Variants in THRB observed in about 807,000 individuals in gnomAD.
The protein encoded by THRB is thyroid hormone receptor beta.
THRB carries 12 observed loss-of-function variants against 47.8 expected under a neutral mutation model. The ratio of observed to expected loss-of-function variants is 0.25; its 90% CI spans 0.16 to 0.41. THRB has a LOEUF of 0.41. Ranked by LOEUF, THRB falls within the 10% of genes least tolerant of loss-of-function variation. THRB has a pLI of 1.00. For synonymous variants in THRB, 218 were observed against 212.2 expected (o/e 1.03, Z -0.24); for missense variants, 348 against 589.2 (o/e 0.59, Z 4.24).
chr3:24,239,283 G>A (rs1334900452), intron 3 of THRB, among the ~76,000 whole-genome samples: 3 of 151,994 alleles, frequency 2.0e-5, no homozygotes, highest in African/African-American at 7.2e-5. Context: ...TAAAGGTTCT[G>A]TTGGCTCTTT....
chr3:24,269,417 A>G (rs1013904303), intron 3 of THRB, among the ~76,000 whole-genome samples: 15 of 145,488 alleles, frequency 1.0e-4, no homozygotes, highest in African/African-American at 3.5e-4. Flanking sequence ...ACACACACAC[A>G]CACACACACA....
At chr3:24,136,114 G>A (rs73136694) in intron 8 of THRB, among the ~76,000 whole-genome samples, 2,578 of 151,614 alleles carry the variant, frequency 0.017, 74 homozygotes, top group African/African-American at 0.058. Context: ...TGTGACATGT[G>A]TAAAGATTTG....
rs1559706566 is a variant in THRB at position 24,240,845 on chromosome 3, G to GAA, written c.-42-11845_-42-11844insTT. Among the ~76,000 whole-genome samples the GAA allele has an allele frequency of 7.2e-3, 1,091 of 152,212 alleles. 17 individuals are homozygous for GAA. Among genetic ancestry groups the GAA allele is most frequent in the African/African-American group, 0.025 (1,018 of 41,530 alleles). ...AGGGCCCACATGTTGAGAACCACCA[G>GAA]CCTGATCCATTTAAGAACATGTTGG... On this transcript the variant is annotated intron_variant, in intron 3 of 10. Transcript: ENST00000646209.
At chr3:24,246,676 A>G (rs9822450) in intron 3 of THRB, among the ~76,000 whole-genome samples, 10,129 of 152,228 alleles carry the variant, frequency 0.067, 760 homozygotes, top group African/African-American at 0.18. Context: ...CCAGTGAGAG[A>G]ATATTTAGAA....
chr3:24,332,105 G>C (rs1295745139), intron 2 of THRB, among the ~76,000 whole-genome samples: 1 of 152,200 alleles, frequency 6.6e-6, no homozygotes, highest in Non-Finnish European at 1.5e-5. Context: ...CGGTAGATGA[G>C]ATTGTAGATA....
At chr3:24,311,996 G>A (rs952107933) in intron 2 of THRB, among the ~76,000 whole-genome samples, 4 of 152,198 alleles carry the variant, frequency 2.6e-5, no homozygotes, top group South Asian at 2.1e-4. Context: ...TTGCCACTGT[G>A]TTGCAACCAT....
chr3:24,322,858 A>G (rs1042966450), intron 2 of THRB, among the ~76,000 whole-genome samples: 3 of 152,190 alleles, frequency 2.0e-5, no homozygotes, highest in African/African-American at 7.2e-5. Context: ...CTTTCACAGA[A>G]AAGATTAGCT....
chr3:24,399,052 G>A (rs1460970962), intron 1 of THRB, among the ~76,000 whole-genome samples: 2 of 151,810 alleles, frequency 1.3e-5, no homozygotes, highest in African/African-American at 2.4e-5. Flanking sequence ...CACAGGAAGG[G>A]GAACATCACA....
At chr3:24,144,526 G>C (rs2035854519) in intron 7 of THRB, 1 of 152,216 alleles carries the variant, frequency 6.6e-6, no homozygotes, top group Non-Finnish European at 1.5e-5. Context: ...TAAGTGCTCA[G>C]TAAATGCAGT....
At chr3:24,353,770 A>G (rs1364152886) in intron 1 of THRB, among the ~76,000 whole-genome samples, 1 of 152,178 alleles carries the variant, frequency 6.6e-6, no homozygotes, top group African/African-American at 2.4e-5. Context: ...ATTTTAAAAA[A>G]TAGGTTTGTT....
At chr3:24,155,981 T>C (rs1232972615) in intron 5 of THRB, among the ~76,000 whole-genome samples, 2 of 152,254 alleles carry the variant, frequency 1.3e-5, no homozygotes, top group Non-Finnish European at 2.9e-5. Flanking sequence ...TCTGCTCAGA[T>C]GTATTATTTT....
chr3:24,395,969 T>C (rs2066929462), intron 1 of THRB, among the ~76,000 whole-genome samples: 1 of 152,084 alleles, frequency 6.6e-6, no homozygotes, highest in Admixed American at 6.6e-5. Flanking sequence ...AGTAGATAAG[T>C]AGTTGCCTAG....
At chr3:24,465,694 G>A (rs561981940) in intron 1 of THRB, among the ~76,000 whole-genome samples, 147 of 152,196 alleles carry the variant, frequency 9.7e-4, no homozygotes, top group African/African-American at 3.3e-3. Context: ...TTGAGTCAGC[G>A]CACCCGGCCT....
intron 4 of THRB, among the ~76,000 whole-genome samples, chr3:24,204,851 C>T (rs137891638): frequency 5.1e-4 from 78 of 152,196 alleles, no homozygotes; most frequent in African/African-American, 1.6e-3. Flanking sequence ...AACTACGTGA[C>T]GAATTCACAA....
chr3:24,371,194 ACTTAG>A (rs758921525), intron 1 of THRB, among the ~76,000 whole-genome samples: 110 of 152,212 alleles, frequency 7.2e-4, no homozygotes, highest in Non-Finnish European at 1.4e-3. Flanking sequence ...AAACTGACAA[ACTTAG>A]CTTAAGATTA....
intron 3 of THRB, among the ~76,000 whole-genome samples, chr3:24,259,204 C>T (rs1469696797): frequency 6.6e-6 from 1 of 152,060 alleles, no homozygotes; most frequent in Non-Finnish European, 1.5e-5. Context: ...TGGGATTGTT[C>T]CTACACAAAG....
chr3:24,337,135 T>C (rs543090501), intron 2 of THRB, among the ~76,000 whole-genome samples, 165 bp downstream of exon 2: 5 of 152,352 alleles, frequency 3.3e-5, no homozygotes, highest in South Asian at 2.1e-4. Context: ...ATGTTTTTAG[T>C]TCATTTAATG....
At chr3:24,291,037 TC>T (rs1317999817) in intron 3 of THRB, among the ~76,000 whole-genome samples, 3 of 152,052 alleles carry the variant, frequency 2.0e-5, no homozygotes, top group African/African-American at 7.2e-5. Context: ...CACTAATTGA[TC>T]CCCTCCAACT....
intron 1 of THRB, among the ~76,000 whole-genome samples, chr3:24,339,759 A>G (rs1013287945): frequency 6.6e-6 from 1 of 152,170 alleles, no homozygotes; most frequent in African/African-American, 2.4e-5. Flanking sequence ...ACCCATTTTC[A>G]GTTCTTCTCT....
Sources: gnomAD v4.1 joint callset for allele counts (sites outside exome capture counted in the v4.1 genomes callset) on GRCh38, gnomAD v4.1.1 for gene constraint, MANE v1.5 for transcripts, NCBI Gene and HGNC (gene_info 2026-07-23, HGNC 2026-07-21) for gene names.